The following ARPP21 variants were observed in gnomAD, a reference collection of about 807,000 sequenced individuals.
The protein encoded by ARPP21 is cAMP-regulated phosphoprotein 21.
A neutral mutation model predicts 113.2 loss-of-function variants in ARPP21; 69 were observed. The observed-to-expected ratio is 0.61, with a 90% CI of 0.50 to 0.74. The LOEUF (loss-of-function observed/expected upper bound fraction) is 0.74. Ranked by LOEUF, ARPP21 falls within the 30% of genes least tolerant of loss-of-function variation. The pLI is 0.00. For missense variants in ARPP21, 1,070 were observed against 1,037.4 expected, an observed-to-expected ratio of 1.03 and a Z score of -0.43; for synonymous variants, 368 against 375.5, an observed-to-expected ratio of 0.98 and a Z score of 0.23.
chr3:35,690,185 T>C (rs750474529), intron 8 of ARPP21, 45 bp downstream of exon 8: 6 of 911,820 alleles, frequency 6.6e-6, no homozygotes, highest in South Asian at 1.3e-5. Context: ...TGTATCCTAG[T>C]TTGGTATTGG....
chr3:35,733,117 C>T (rs937207512), intron 15 of ARPP21, among the ~76,000 whole-genome samples: 70 of 151,918 alleles, frequency 4.6e-4, no homozygotes, highest in Non-Finnish European at 1.0e-4. Flanking sequence ...AAACCAAGAG[C>T]GCATGATTAC....
At chr3:35,760,649 G>T (rs1382838170) in intron 19 of ARPP21, among the ~76,000 whole-genome samples, 1 of 152,006 alleles carries the variant, frequency 6.6e-6, no homozygotes, top group South Asian at 2.1e-4. Context: ...GAATTTGGAG[G>T]CATTGTGAAA....
In ARPP21 at chr3:35,666,116, G is replaced by A. The variant is rs73057186; in HGVS notation, c.-212-13671G>A. 1.4e-3 allele frequency among the ~76,000 whole-genome samples: 206 copies of A among 152,122 alleles called. 1 individual carries two copies. The East Asian group carries it at 0.015, about 11-fold the overall frequency. On this transcript the variant is annotated intron_variant, in intron 1 of 20. Transcript: ENST00000684406. ...ACTCAGTCAAGGAGATTAATAAATA[G>A]TATATACTGAGAATGATACAAATGA...
chr3:35,682,957 T>A, intron 4 of ARPP21, 68 bp downstream of exon 4: 1 of 1,418,594 alleles, frequency 7.0e-7, no homozygotes, highest in East Asian at 2.3e-5. Context: ...ACATCAGAGT[T>A]AAAGGATTTG....
At chr3:35,712,653 A>C (rs1364608137) in intron 11 of ARPP21, among the ~76,000 whole-genome samples, 1 of 151,926 alleles carries the variant, frequency 6.6e-6, no homozygotes, top group African/African-American at 2.4e-5. Flanking sequence ...ATTTTCCAGA[A>C]AAAAATTCAA....
chr3:35,725,783 C>CT (rs1405460644), intron 14 of ARPP21, among the ~76,000 whole-genome samples: 2 of 152,158 alleles, frequency 1.3e-5, no homozygotes, highest in African/African-American at 4.8e-5. Flanking sequence ...TGGATGTCTT[C>CT]TTTTTTCTCC....
At chr3:35,742,050 T>G (rs895554834) in intron 18 of ARPP21, among the ~76,000 whole-genome samples, 1 of 152,226 alleles carries the variant, frequency 6.6e-6, no homozygotes, top group Admixed American at 6.5e-5. Context: ...GTTCAAAATT[T>G]TTTTCCATGC....
At chr3:35,710,060 A>G (rs1235030583) in intron 11 of ARPP21, among the ~76,000 whole-genome samples, 2 of 152,204 alleles carry the variant, frequency 1.3e-5, no homozygotes, top group Non-Finnish European at 2.9e-5. Context: ...ATGAAAGTGC[A>G]GGGGAGATTC....
chr3:35,685,237 A>T (rs1341623717), intron 5 of ARPP21: 1 of 985,204 alleles, frequency 1.0e-6, no homozygotes, highest in East Asian at 1.1e-4. Flanking sequence ...TCTGGACCTA[A>T]GTCTAGTGTA....
chr3:35,717,126 G>A (rs1004833657), intron 12 of ARPP21, among the ~76,000 whole-genome samples, 172 bp from the exon 13 acceptor site: 1 of 151,854 alleles, frequency 6.6e-6, no homozygotes, highest in African/African-American at 2.4e-5. Context: ...CTAGGGTAGA[G>A]ATCTTAATCC....
chr3:35,684,009 G>T (rs1295629899), intron 5 of ARPP21, 194 bp downstream of exon 5: 1 of 1,557,850 alleles, frequency 6.4e-7, no homozygotes, highest in Admixed American at 1.7e-5. Flanking sequence ...TATTAAATTT[G>T]TTTTTTTCCA....
chr3:35,764,459 T>C (rs778873492), intron 19 of ARPP21, among the ~76,000 whole-genome samples: 40 of 152,146 alleles, frequency 2.6e-4, no homozygotes, highest in Non-Finnish European at 1.0e-4. Context: ...TTTCTTTTCT[T>C]CTCTTCAATG....
At chr3:35,790,077 T>C (rs954306587) in intron 19 of ARPP21, among the ~76,000 whole-genome samples, 1 of 152,194 alleles carries the variant, frequency 6.6e-6, no homozygotes, top group Admixed American at 6.6e-5. Context: ...TCTTTTTTGT[T>C]GTTGTTTGTT....
intron 1 of ARPP21, among the ~76,000 whole-genome samples, chr3:35,669,768 A>G (rs1167535389): frequency 6.6e-6 from 1 of 152,184 alleles, no homozygotes; most frequent in Non-Finnish European, 1.5e-5. Flanking sequence ...AGTACACTTT[A>G]AGACTATTTT....
At chr3:35,730,336 C>A (rs1202511628) in intron 15 of ARPP21, among the ~76,000 whole-genome samples, 3 of 152,234 alleles carry the variant, frequency 2.0e-5, no homozygotes, top group Admixed American at 6.5e-5. Context: ...GCATTTTTGT[C>A]TCTGGCCCCA....
chr3:35,740,308 A>G (rs2094580141), intron 18 of ARPP21, among the ~76,000 whole-genome samples: 2 of 152,342 alleles, frequency 1.3e-5, no homozygotes, highest in South Asian at 4.1e-4. Context: ...AAATGCACAG[A>G]GGCATTTTCT....
intron 19 of ARPP21, among the ~76,000 whole-genome samples, chr3:35,783,787 A>T (rs919339496): frequency 6.6e-6 from 1 of 152,052 alleles, no homozygotes; most frequent in Admixed American, 6.6e-5. Flanking sequence ...TCTATCCTCT[A>T]CTTCCTCTGC....
At chr3:35,694,552 T>C (rs967923217) in intron 9 of ARPP21, among the ~76,000 whole-genome samples, 1 of 151,466 alleles carries the variant, frequency 6.6e-6, no homozygotes, top group African/African-American at 2.4e-5. Flanking sequence ...TGAGTTTTAG[T>C]TTGGGGCTTA....
chr3:35,671,258 C>A (rs373177620), intron 1 of ARPP21, among the ~76,000 whole-genome samples: 2 of 152,208 alleles, frequency 1.3e-5, no homozygotes, highest in Admixed American at 1.3e-4. Flanking sequence ...TATTCTCTTG[C>A]GTTTTCCATT....
Sources: allele counts gnomAD v4.1 joint callset (sites outside exome capture counted in the v4.1 genomes callset), GRCh38; gene constraint gnomAD v4.1.1; transcripts MANE v1.5; gene names NCBI Gene and HGNC (gene_info 2026-07-23, HGNC 2026-07-21).